The following SLC30A3 variants were observed in gnomAD, a reference collection of about 807,000 sequenced individuals.
The protein encoded by SLC30A3 is probable proton-coupled zinc antiporter SLC30A3.
SLC30A3 carries 20 observed loss-of-function variants against 35.6 expected under a neutral mutation model. That is an observed-to-expected ratio of 0.56 (90% CI 0.39 to 0.82). The LOEUF (loss-of-function observed/expected upper bound fraction) is 0.82. SLC30A3 is among the 40% of genes least tolerant of loss of function. The probability of loss-of-function intolerance (pLI) is 0.00; values close to 1 mark genes in which losing one functional copy is unlikely to be tolerated. For missense variants in SLC30A3, 401 were observed against 530.6 expected (o/e 0.76, Z 2.40); for synonymous variants, 217 against 224.7 (o/e 0.97, Z 0.31).
At chr2:27,266,066 T>A (rs1465312334), upstream of SLC30A3, among the ~76,000 whole-genome samples, 2 of 151,576 alleles carry the variant, frequency 1.3e-5, no homozygotes, top group African/African-American at 4.8e-5. Context: ...TGTTCTTTTT[T>A]TTTTTTTTTT....
chr2:27,256,893 G>A lies in SLC30A3; in HGVS notation c.778C>T (p.Pro260Ser). The change falls in exon 6 of 8, where the codon CCT becomes TCT. Residue 260 changes from proline (P) to serine (S), a missense_variant and splice_region_variant. By Grantham distance (74) the Pro-to-Ser change is moderately conservative (BLOSUM62 -1). Coordinates refer to ENST00000233535, the MANE Select transcript of SLC30A3 (RefSeq NM_003459.5). ...LAASILIYFKPQYKAADPIST... is the reference protein window; with the variant it reads ...LAASILIYFKSQYKAADPIST... ...ATGGGGTCGGCTGCCTTGTATTGAGGCTGCAGAGAAAGAGACCCCTAAGCC... is the reference window on the plus strand; with the variant it reads ...ATGGGGTCGGCTGCCTTGTATTGAGACTGCAGAGAAAGAGACCCCTAAGCC... The A allele has an allele frequency of 1.2e-6, 2 of 1,603,054 alleles. No homozygotes were observed. Among genetic ancestry groups the A allele is most frequent in the South Asian group, 1.1e-5 (1 of 90,000 alleles).
At chr2:27,275,458 C>T, upstream of SLC30A3, 1 of 346,162 alleles carries the variant, frequency 2.9e-6, no homozygotes, top group Non-Finnish European at 5.7e-6. Context: ...GTCGACGCTG[C>T]GCACAAGCGC....
At chr2:27,269,076 G>A (rs1250372058) in intron 1 of SLC30A3, among the ~76,000 whole-genome samples, 4 of 151,742 alleles carry the variant, frequency 2.6e-5, no homozygotes, top group Admixed American at 2.6e-4. Flanking sequence ...TTGGGGAAAA[G>A]AATGAGTCTA....
At position 27,256,464 on chromosome 2, in the gene SLC30A3, C is replaced by T; in HGVS notation, c.940G>A (p.Gly314Arg). ...TGCAGCTCATGGGTTGCCCGGACTC[C>T]TGGCACCGACAACAGCGTATCCCGC... is the stretch of plus-strand genomic sequence containing the variant. Reference protein sequence around the residue: ...PVRDTLLSVPGVRATHELHLW... With the variant: ...PVRDTLLSVPRVRATHELHLW... Residue 314 changes from glycine (G) to arginine (R), a missense_variant, in exon 7 of 8, where the codon GGA (glycine) becomes AGA (arginine). Physicochemically the swap from Gly to Arg is moderately radical, Grantham distance 125 (BLOSUM62 -2). Transcript: ENST00000233535. 6.2e-7 allele frequency: 1 copy of T among 1,614,118 alleles called. No homozygotes were observed. The highest frequency in any genetic ancestry group is 8.5e-7 in the Non-Finnish European group (1 of 1,180,010).
rs748782389 is a variant in SLC30A3, at chr2:27,256,341, G to T, written c.1018+45C>A. ...CAAGCTATGGTCCCATGTTTGGGGT[G>T]GGGTATGTTCCAGGTAGTAACTAGC... On this transcript the variant is annotated intron_variant, in intron 7 of 7. Transcript: ENST00000233535. 7 of 1,602,914 alleles carry T rather than the reference G, an allele frequency of 4.4e-6. No homozygotes were observed. The Admixed American group carries it at 1.2e-4, about 27-fold the overall frequency.
In SLC30A3 at chr2:27,255,207, G is replaced by A. The variant is rs1676768985; in HGVS notation, c.*105C>T. 6.2e-7 allele frequency: 1 copy of A among 1,604,316 alleles called. No homozygotes were observed. The highest frequency in any genetic ancestry group is 1.3e-5 in the African/African-American group (1 of 74,896). ...GCAGGTGGTAGGAGGGAGAGAGGAA[G>A]GGGTATGGACCTGGCTCGGTCCCGT... On this transcript the variant is annotated 3_prime_UTR_variant, in exon 8 of 8. Coordinates refer to ENST00000233535, the MANE Select transcript of SLC30A3 (RefSeq NM_003459.5). This position sits in a 1 kb window ranked among gnomAD's most constrained non-coding sequence, Gnocchi z 5.2.
chr2:27,273,051 A>AAAT lies in SLC30A3; in HGVS notation c.-159+2125_-159+2126insATT, dbSNP rs1553376593. 6.9e-4 allele frequency among the ~76,000 whole-genome samples: 100 copies of AAAT among 145,346 alleles called. 1 individual carries two copies. Among genetic ancestry groups the AAAT allele is most frequent in the African/African-American group, 2.5e-3 (96 of 38,724 alleles). On this transcript the variant is annotated intron_variant, in intron 1 of 5. Coordinates refer to the SLC30A3 transcript ENST00000424577. ...AGACCTTGTCTCAAAAAAAAAAAAA[A>AAAT]ATATATATATATATATGGATAGATA... is the stretch of plus-strand genomic sequence containing the variant.
At chr2:27,256,704 T>C in intron 6 of SLC30A3, 84 bp downstream of exon 6, 7 of 1,297,196 alleles carry the variant, frequency 5.4e-6, no homozygotes, top group Non-Finnish European at 7.6e-6. Context: ...TCCCGTACTA[T>C]CTTCAAAGAA....
chr2:27,275,298 G>C, exon 1 of SLC30A3: 1 of 1,028,026 alleles, frequency 9.7e-7, no homozygotes, highest in East Asian at 6.0e-5. Context: ...CCAAGGCCTG[G>C]CAGCAACGCT....
chr2:27,266,821 C>T (rs918389797), upstream of SLC30A3, among the ~76,000 whole-genome samples: 7 of 152,098 alleles, frequency 4.6e-5, no homozygotes, highest in African/African-American at 1.2e-4. Context: ...CACTTGAATT[C>T]GGGAGGCAGA....
intron 1 of SLC30A3, among the ~76,000 whole-genome samples, chr2:27,272,284 A>G (rs1677756339): frequency 1.3e-5 from 2 of 152,056 alleles, no homozygotes; most frequent in South Asian, 4.2e-4. Flanking sequence ...GTCTTGTCCA[A>G]TTCCCTAGCT....
intron 1 of SLC30A3, among the ~76,000 whole-genome samples, chr2:27,260,772 G>A (rs1478390851): frequency 6.6e-6 from 1 of 152,096 alleles, no homozygotes; most frequent in Non-Finnish European, 1.5e-5. Context: ...CTGAAATACT[G>A]GTAGATTAAT....
At chr2:27,264,230 C>T, upstream of SLC30A3, 1 of 424,184 alleles carries the variant, frequency 2.4e-6, no homozygotes. The surrounding 1 kb of genome is among the most constrained non-coding windows in gnomAD (Gnocchi z 6.1). Flanking sequence ...AGGCAAGAAA[C>T]TCATCAGCCG....
chr2:27,272,494 ATTT>A (rs1216610551), intron 1 of SLC30A3, among the ~76,000 whole-genome samples: 3 of 133,742 alleles, frequency 2.2e-5, no homozygotes, highest in Non-Finnish European at 1.6e-5. Flanking sequence ...GAAGGCAGCT[ATTT>A]TTTTTTTTTT....
In SLC30A3 at chr2:27,257,292, C is replaced by A; in HGVS notation, c.639G>T (p.Glu213Asp). The change falls in exon 5 of 8, where the codon GAG becomes GAT. Residue 213 changes from glutamate to aspartate, a missense_variant. Glu to Asp is a conservative substitution (Grantham distance 45). Coordinates refer to ENST00000233535, the MANE Select transcript of SLC30A3 (RefSeq NM_003459.5). This position sits in a 1 kb window ranked among gnomAD's most constrained non-coding sequence, Gnocchi z 4.7. ...CAGGCCCCTCCTCCAGCGGTGCATA[C>A]TCTGCTCCCCTAGACCCGTGGCTGT... Reference protein sequence around the residue: ...PPHSHGSRGAEYAPLEEGPEE... With the variant: ...PPHSHGSRGADYAPLEEGPEE... 6.2e-7 allele frequency: 1 copy of A among 1,613,974 alleles called. No homozygotes were observed. Among genetic ancestry groups the A allele is most frequent in the Non-Finnish European group, 8.5e-7 (1 of 1,179,916 alleles).
chr2:27,264,258 TG>T (rs1572484806), upstream of SLC30A3: 2 of 379,758 alleles, frequency 5.3e-6, no homozygotes, highest in Non-Finnish European at 1.1e-5. The surrounding 1 kb of genome is among the most constrained non-coding windows in gnomAD (Gnocchi z 6.1). Context: ...CAGAACACAC[TG>T]GGCGTCCTGA....
chr2:27,261,057 G>A (rs1345679484), intron 1 of SLC30A3, among the ~76,000 whole-genome samples: 1 of 152,198 alleles, frequency 6.6e-6, no homozygotes, highest in Non-Finnish European at 1.5e-5. Flanking sequence ...CTCACAGCGG[G>A]CTCGGAGAAC....
rs779732149 is a variant in SLC30A3, at chr2:27,275,275, G to A, written c.-257C>T. On this transcript the variant is annotated 5_prime_UTR_variant, in exon 1 of 6. Transcript: ENST00000424577. Reference sequence around the variant, plus strand: ...TCCTGCTGGGGAAGAGGGGCTCGGTGGGAATCCCTGCCCCAAGGCCTGGCA... The same window carrying A: ...TCCTGCTGGGGAAGAGGGGCTCGGTAGGAATCCCTGCCCCAAGGCCTGGCA... The A allele has an allele frequency of 4.1e-6, 5 of 1,220,572 alleles. No individual in the cohort carries two copies. The South Asian group carries it at 5.0e-5, about 12-fold the overall frequency. 75.6% of individuals were successfully genotyped at this position (1,220,572 alleles called of 1,614,324 possible).
At chr2:27,265,119 CAG>C (rs1572486090), upstream of SLC30A3, among the ~76,000 whole-genome samples, 1 of 152,352 alleles carries the variant, frequency 6.6e-6, no homozygotes, top group East Asian at 1.9e-4. The surrounding 1 kb of genome is among the most constrained non-coding windows in gnomAD (Gnocchi z 5.9). Context: ...ATGACGACAA[CAG>C]GGGACATAAC....
Sources: allele counts gnomAD v4.1 joint callset (sites outside exome capture counted in the v4.1 genomes callset), GRCh38; gene constraint gnomAD v4.1.1; non-coding constraint Gnocchi (gnomAD v3.1); transcripts MANE v1.5; gene names NCBI Gene and HGNC (gene_info 2026-07-23, HGNC 2026-07-21).